Variants in SEMA5A observed in about 807,000 individuals in gnomAD.
SEMA5A encodes semaphorin-5A.
A neutral mutation model predicts 135.5 loss-of-function variants in SEMA5A; 55 were observed. The ratio of observed to expected loss-of-function variants is 0.41; its 90% CI spans 0.33 to 0.51. The LOEUF (loss-of-function observed/expected upper bound fraction) is 0.51, where lower values mean the gene tolerates loss of function less well. Among genes scored for constraint, SEMA5A ranks in the 20% least tolerant of loss-of-function variants. The pLI is 0.37. For synonymous variants in SEMA5A, 580 were observed against 546.5 expected (o/e 1.06, Z -0.85); for missense variants, 1,290 against 1,419.9 (o/e 0.91, Z 1.47).
chr5:9,475,762 T>C (rs1759645813), intron 1 of SEMA5A, among the ~76,000 whole-genome samples: 1 of 152,194 alleles, frequency 6.6e-6, no homozygotes, highest in African/African-American at 2.4e-5. Flanking sequence ...ATATTTGTAT[T>C]ATCAGTGCCA....
chr5:9,333,370 C>A (rs1382454955), intron 4 of SEMA5A, among the ~76,000 whole-genome samples: 1 of 152,136 alleles, frequency 6.6e-6, no homozygotes, highest in African/African-American at 2.4e-5. Context: ...TCAAACACTG[C>A]CTTATGTGTC....
At chr5:9,499,358 A>G (rs570675414) in intron 1 of SEMA5A, among the ~76,000 whole-genome samples, 2 of 152,360 alleles carry the variant, frequency 1.3e-5, no homozygotes, top group African/African-American at 4.8e-5. Flanking sequence ...AAATAAAGAA[A>G]AAAGCAGAGA....
At chr5:9,269,426 C>A (rs954574040) in intron 5 of SEMA5A, among the ~76,000 whole-genome samples, 3 of 152,120 alleles carry the variant, frequency 2.0e-5, no homozygotes, top group African/African-American at 7.2e-5. Flanking sequence ...AGTACAAGAA[C>A]AGTATTTGTG....
At position 9,196,942 on chromosome 5, in the gene SEMA5A, C is replaced by T. The variant is rs868020503; in HGVS notation, c.1068+226G>A. ...TGGCCTTTTTCCGCCCAGTCTCAGG[C>T]ATCACAGCTGACAAAAGGCCCTTTC... On this transcript the variant is annotated intron_variant, in intron 10 of 22. Coordinates refer to ENST00000382496, the MANE Select transcript of SEMA5A (RefSeq NM_003966.3). Among the ~76,000 whole-genome samples, 4 of 152,312 alleles carry T rather than the reference C, an allele frequency of 2.6e-5. No homozygotes were observed. The South Asian group carries it at 8.3e-4, about 32-fold the overall frequency.
chr5:9,349,706 C>T (rs2150746981), intron 3 of SEMA5A, among the ~76,000 whole-genome samples: 1 of 152,136 alleles, frequency 6.6e-6, no homozygotes, highest in East Asian at 1.9e-4. Context: ...TCAAGACCAT[C>T]CTGGCTAACA....
intron 11 of SEMA5A, among the ~76,000 whole-genome samples, chr5:9,174,963 T>C (rs1265490917): frequency 6.6e-6 from 1 of 152,222 alleles, no homozygotes; most frequent in Non-Finnish European, 1.5e-5. Context: ...TGAGCAAAGA[T>C]TCCATTTGTT....
chr5:9,415,100 C>T (rs1192729542), intron 2 of SEMA5A, among the ~76,000 whole-genome samples: 1 of 152,194 alleles, frequency 6.6e-6, no homozygotes, highest in Non-Finnish European at 1.5e-5. Flanking sequence ...TTGAAGCATA[C>T]AGACATTTGA....
intron 11 of SEMA5A, among the ~76,000 whole-genome samples, chr5:9,171,269 G>A (rs757910837): frequency 6.6e-5 from 10 of 152,124 alleles, no homozygotes; most frequent in Non-Finnish European, 1.0e-4. Flanking sequence ...ACAGGATCTG[G>A]TGAGCATAAG....
rs139191700 is a variant in SEMA5A at position 9,044,439 on chromosome 5, G to A, written c.3039C>T (p.Pro1013=). Residue 1013 remains proline (P), a synonymous_variant, in exon 22 of 23, where the codon CCC becomes CCT. Transcript: ENST00000382496. ...ATVIHPVSPA[P]LNTSITNHIN... is the part of the protein sequence containing the mutation. Reference sequence around the variant, plus strand: ...TGTGGTTGGTTATGCTGGTATTAAGGGGGGCAGGTGAGACGGGGTGGATGA... The same window carrying A: ...TGTGGTTGGTTATGCTGGTATTAAGAGGGGCAGGTGAGACGGGGTGGATGA... 1,146 of 1,613,966 alleles carry A rather than the reference G, an allele frequency of 7.1e-4. 2 individuals carry two copies. Among genetic ancestry groups the A allele is most frequent in the Non-Finnish European group, 6.2e-4 (727 of 1,179,996 alleles).
intron 1 of SEMA5A, among the ~76,000 whole-genome samples, chr5:9,529,147 G>T (rs1737303391): frequency 6.6e-6 from 1 of 152,254 alleles, no homozygotes; most frequent in Non-Finnish European, 1.5e-5. Flanking sequence ...CCAGCTGTCA[G>T]CTCCATCAAG....
At chr5:9,455,257 ATTTTT>A (rs5865834) in intron 1 of SEMA5A, among the ~76,000 whole-genome samples, 6 of 148,870 alleles carry the variant, frequency 4.0e-5, no homozygotes, top group Non-Finnish European at 7.4e-5. Context: ...TTATTTATTT[ATTTTT>A]TTTTTTTTTT....
Position 9,204,099 on chromosome 5 carries a change from G to A in SEMA5A, c.647-1859C>T, listed in dbSNP as rs1289178004. Among the ~76,000 whole-genome samples, 1 of 152,054 alleles carries A rather than the reference G, an allele frequency of 6.6e-6. No individual in the cohort carries two copies. Among genetic ancestry groups the A allele is most frequent in the South Asian group, 2.1e-4 (1 of 4,818 alleles). On this transcript the variant is annotated intron_variant, in intron 8 of 22. Transcript: ENST00000382496. This position sits in a 1 kb window ranked among gnomAD's most constrained non-coding sequence, Gnocchi z 6.4. ...AACCATGTGTAAAGAAAATAATACT[G>A]GCATGTCTAATTCTAAATAAGAGTC... is the stretch of plus-strand genomic sequence containing the variant.
chr5:9,400,400 A>G (rs1256706305), intron 2 of SEMA5A, among the ~76,000 whole-genome samples: 1 of 152,180 alleles, frequency 6.6e-6, no homozygotes, highest in South Asian at 2.1e-4. Flanking sequence ...ATCATTTTCA[A>G]TTCAGAATAA....
intron 12 of SEMA5A, among the ~76,000 whole-genome samples, chr5:9,140,767 G>A (rs1742025487): frequency 6.6e-6 from 1 of 152,190 alleles, no homozygotes; most frequent in Non-Finnish European, 1.5e-5. Context: ...GCTACACTTA[G>A]AGATCATTCA....
intron 5 of SEMA5A, among the ~76,000 whole-genome samples, chr5:9,264,528 A>G (rs1397372649): frequency 6.6e-6 from 1 of 152,214 alleles, no homozygotes; most frequent in East Asian, 1.9e-4. Context: ...CAAAGAAATG[A>G]AGGCAGAACT....
chr5:9,228,202 C>CGTA (rs1747425198), intron 6 of SEMA5A, among the ~76,000 whole-genome samples: 1 of 152,112 alleles, frequency 6.6e-6, no homozygotes, highest in Non-Finnish European at 1.5e-5. Context: ...TAGCATATTA[C>CGTA]GTAGCTCCAA....
intron 5 of SEMA5A, among the ~76,000 whole-genome samples, chr5:9,283,444 C>G (rs1750641753): frequency 6.6e-6 from 1 of 152,174 alleles, no homozygotes. Flanking sequence ...TCTTCAAAGA[C>G]AACAGAAGGG....
In SEMA5A at chr5:9,122,686, C is replaced by T. The variant is rs1740875001; in HGVS notation, c.1751G>A (p.Gly584Asp). 2.5e-6 allele frequency: 4 copies of T among 1,608,538 alleles called. No individual in the cohort carries two copies. The highest frequency in any genetic ancestry group is 1.3e-5 in the African/African-American group (1 of 74,804). ...APQCGGWQCE[G>D]PGMEIANCSR... is the part of the protein sequence containing the mutation. The stretch of plus-strand genomic sequence containing the variant: ...ACAGTTGGCGATCTCCATGCCAGGG[C>T]CCTCGCACTGCCAGCCACCACACTG... The change falls in exon 14 of 23, where the codon GGC (glycine) becomes GAC (aspartate). Residue 584 changes from glycine to aspartate, a missense_variant. Physicochemically the swap from Gly to Asp is moderately conservative, Grantham distance 94 (BLOSUM62 -1). This residue lies in a region of SEMA5A where 1,029 missense variants were observed against 1,086.6 expected (regional missense o/e 0.95). Coordinates refer to ENST00000382496, the MANE Select transcript of SEMA5A (RefSeq NM_003966.3).
intron 1 of SEMA5A, among the ~76,000 whole-genome samples, chr5:9,484,214 G>A (rs1294163851): frequency 2.0e-5 from 3 of 152,176 alleles, no homozygotes; most frequent in Non-Finnish European, 4.4e-5. Context: ...GGCAAAGTAC[G>A]TGCTCTGTGT....
Sources: allele counts gnomAD v4.1 joint callset (sites outside exome capture counted in the v4.1 genomes callset), GRCh38; gene constraint gnomAD v4.1.1; regional missense constraint gnomAD v4.1.1; non-coding constraint Gnocchi (gnomAD v3.1); transcripts MANE v1.5; gene names NCBI Gene and HGNC (gene_info 2026-07-23, HGNC 2026-07-21).